VBP1: variants seen among roughly 807,000 people sequenced by gnomAD.
VBP1 encodes prefoldin subunit 3.
VBP1 carries 4 observed loss-of-function variants against 15.5 expected under a neutral mutation model. That is an observed-to-expected ratio of 0.26 (90% confidence interval 0.13 to 0.59). VBP1 has a LOEUF of 0.59. Among genes scored for constraint, VBP1 ranks in the 20% least tolerant of loss-of-function variants. VBP1 has a pLI of 0.90. For synonymous variants in VBP1, 61 were observed against 52.1 expected (o/e 1.17, Z -0.74); for missense variants, 108 against 139.6 (o/e 0.77, Z 1.14).
intron 4 of VBP1, among the ~76,000 whole-genome samples, chrX:155,230,495 C>A (rs1200798632): frequency 9.0e-6 from 1 of 111,471 alleles, no homozygotes; most frequent in African/African-American, 3.3e-5. Context: ...TGTCTTGCTT[C>A]TGCCCTTGCT....
intron 2 of VBP1, among the ~76,000 whole-genome samples, chrX:155,224,594 A>G (rs1476794514): frequency 8.9e-6 from 1 of 111,851 alleles, no homozygotes; most frequent in African/African-American, 3.2e-5. Flanking sequence ...AGACCATGCA[A>G]AGAGGGCGAG....
chrX:155,212,251 C>G (rs1344429018), upstream of VBP1, among the ~76,000 whole-genome samples: 1 of 111,892 alleles, frequency 8.9e-6, no homozygotes, highest in Non-Finnish European at 1.9e-5. Flanking sequence ...TTCATGTATC[C>G]TAAGGAGTCC....
chrX:155,222,261 A>T (rs1030402355), intron 2 of VBP1, among the ~76,000 whole-genome samples: 12 of 112,374 alleles, frequency 1.1e-4, no homozygotes, highest in Admixed American at 6.6e-4. Flanking sequence ...AGGTGGGCGG[A>T]TCGCTTGAGC....
At chrX:155,226,068 C>G (rs944356091) in intron 2 of VBP1, among the ~76,000 whole-genome samples, 2 of 111,812 alleles carry the variant, frequency 1.8e-5, no homozygotes, top group African/African-American at 3.3e-5. Flanking sequence ...ACATTTTGGT[C>G]TCTAATAATA....
Position 155,220,229 on chromosome X carries a change from A to G in VBP1, c.140A>G (p.Asp47Gly). 1.7e-6 allele frequency: 2 copies of G among 1,199,948 alleles called. No individual in the cohort carries two copies. The highest frequency in any genetic ancestry group is 1.8e-5 in the South Asian group (1 of 54,917). The change falls in exon 2 of 6, where the codon GAT becomes GGT. Residue 47 changes from aspartate to glycine, a missense_variant. Asp to Gly is a moderately conservative substitution (Grantham distance 94). Coordinates refer to ENST00000286428, the MANE Select transcript of VBP1 (RefSeq NM_003372.7). ...FMKQPGNETA[D>G]TVLKKLDEQY... ...AAACAGCCTGGGAATGAGACTGCAGATACAGTATTAAAGAAGCTGGATGAA... is the reference window on the plus strand; with the variant it reads ...AAACAGCCTGGGAATGAGACTGCAGGTACAGTATTAAAGAAGCTGGATGAA...
At chrX:155,222,489 A>C (rs1395150155) in intron 2 of VBP1, among the ~76,000 whole-genome samples, 3 of 111,722 alleles carry the variant, frequency 2.7e-5, no homozygotes, top group Non-Finnish European at 5.6e-5. Flanking sequence ...AGAAAGAAAA[A>C]AAGGAAAAGA....
intron 2 of VBP1, 84 bp downstream of exon 2, chrX:155,220,391 A>G: frequency 1.2e-6 from 1 of 848,875 alleles, no homozygotes; most frequent in African/African-American, 2.1e-5. Flanking sequence ...ATATAATAAA[A>G]TATTCAGATG....
intron 2 of VBP1, among the ~76,000 whole-genome samples, chrX:155,210,426 C>G (rs782051540): frequency 8.9e-6 from 1 of 111,981 alleles, no homozygotes; most frequent in African/African-American, 3.2e-5. Flanking sequence ...TGCACTCCAG[C>G]CTGGGTGACA....
intron 2 of VBP1, among the ~76,000 whole-genome samples, 183 bp downstream of exon 2, chrX:155,220,490 A>T (rs781958650): frequency 8.9e-6 from 1 of 112,173 alleles, no homozygotes; most frequent in Non-Finnish European, 1.9e-5. Flanking sequence ...ATCCTTGCCA[A>T]CACTTGGTAT....
intron 2 of VBP1, among the ~76,000 whole-genome samples, chrX:155,224,206 C>T (rs782363937): frequency 6.2e-4 from 70 of 112,160 alleles, no homozygotes; most frequent in African/African-American, 1.6e-3. Context: ...GGGTGGCGGC[C>T]GGGCAGAGGC....
intron 2 of VBP1, among the ~76,000 whole-genome samples, chrX:155,210,382 A>C (rs1251094619): frequency 1.8e-5 from 2 of 111,699 alleles, no homozygotes; most frequent in Non-Finnish European, 3.8e-5. Flanking sequence ...TGAGCCCAGG[A>C]GTTTGAGGCT....
chrX:155,214,038 G>A (rs968303888), upstream of VBP1, among the ~76,000 whole-genome samples: 38 of 111,882 alleles, frequency 3.4e-4, no homozygotes, highest in African/African-American at 1.2e-3. Flanking sequence ...TGGAGAAAAT[G>A]TTACTAATGC....
upstream of VBP1, among the ~76,000 whole-genome samples, chrX:155,211,622 C>A (rs1157118654): frequency 2.7e-5 from 3 of 112,314 alleles, no homozygotes; most frequent in Non-Finnish European, 5.6e-5. Context: ...TTCAACATAT[C>A]CACAAATAGC....
At chrX:155,230,640 T>C (rs1342788281) in intron 4 of VBP1, among the ~76,000 whole-genome samples, 1 of 111,066 alleles carries the variant, frequency 9.0e-6, no homozygotes, top group Non-Finnish European at 1.9e-5. Flanking sequence ...GTTCTTTGAG[T>C]GGCTGACAAG....
In VBP1 at chrX:155,216,586, C is replaced by A. The variant is rs782809592; in HGVS notation, c.93+11C>A. ...GAGGCCGTGTTTGTGGTAAGAGGCA[C>A]GCTGTTCCCTGGCATCTTGGCTTGA... On this transcript the variant is annotated intron_variant, in intron 1 of 5. Transcript: ENST00000286428. The A allele has an allele frequency of 8.6e-7, 1 of 1,167,991 alleles. No homozygotes were observed. Among genetic ancestry groups the A allele is most frequent in the South Asian group, 1.9e-5 (1 of 52,701 alleles).
chrX:155,239,522 T>C lies in VBP1; in HGVS notation c.*680T>C, dbSNP rs1370898175. The C allele has an allele frequency of 8.9e-6, 1 of 112,037 alleles. No individual in the cohort carries two copies. Among genetic ancestry groups the C allele is most frequent in the East Asian group, 2.8e-4 (1 of 3,590 alleles). The allele number at this position is 112,037 out of a possible 1,213,427, so 9.2% of individuals were successfully genotyped here. On this transcript the variant is annotated 3_prime_UTR_variant, in exon 6 of 6. Coordinates refer to ENST00000286428, the MANE Select transcript of VBP1 (RefSeq NM_003372.7). ...AAAATTACTCATTCAAAACTCTGCC[T>C]AAGGTGATTTTGTAGTTCTTAACAG...
chrX:155,208,839 A>G (rs2074634863), intron 1 of VBP1: 1 of 993,500 alleles, frequency 1.0e-6, no homozygotes, highest in Non-Finnish European at 1.4e-6. Flanking sequence ...ATACTAATTA[A>G]TTTTTAACTG....
intron 2 of VBP1, among the ~76,000 whole-genome samples, chrX:155,209,167 C>T (rs1243603889): frequency 1.8e-5 from 2 of 112,391 alleles, no homozygotes; most frequent in Non-Finnish European, 3.8e-5. Flanking sequence ...AGACCTGGTG[C>T]AGACCTCTAT....
chrX:155,228,482 G>A lies in VBP1; in HGVS notation c.384G>A (p.Gly128=), dbSNP rs1479082989. The change falls in exon 4 of 6, where the codon GGG becomes GGA. Residue 128 remains glycine (G), a splice_region_variant and synonymous_variant. Coordinates refer to ENST00000286428, the MANE Select transcript of VBP1 (RefSeq NM_003372.7). ...PPTDKVCLWL[G]ANVMLEYDID... ...CCGATAAAGTGTGTCTGTGGTTGGGGGTAAGTAAATGTTATAGCCACAGCT... is the reference window on the plus strand; with the variant it reads ...CCGATAAAGTGTGTCTGTGGTTGGGAGTAAGTAAATGTTATAGCCACAGCT... 5.9e-6 allele frequency: 7 copies of A among 1,187,446 alleles called. No individual in the cohort carries two copies. The African/African-American group carries it at 1.2e-4, about 21-fold the overall frequency.
Sources: allele counts gnomAD v4.1 joint callset (sites outside exome capture counted in the v4.1 genomes callset), GRCh38; gene constraint gnomAD v4.1.1; transcripts MANE v1.5; gene names NCBI Gene and HGNC (gene_info 2026-07-23, HGNC 2026-07-21).